Variants in EYS observed in about 807,000 individuals in gnomAD.
The protein encoded by EYS is EGF-like photoreceptor maintenance factor, also known as protein eyes shut homolog.
EYS carries 250 observed loss-of-function variants against 282.1 expected under a neutral mutation model. That is an observed-to-expected ratio of 0.89 (90% CI 0.80 to 0.98). EYS has a LOEUF of 0.98. Ranked by LOEUF, EYS falls within the 50% of genes least tolerant of loss-of-function variation. EYS has a pLI of 0.00. For missense variants in EYS, 4,016 were observed against 3,709.0 expected, an observed-to-expected ratio of 1.08 and a Z score of -2.15; for synonymous variants, 1,355 against 1,282.9, an observed-to-expected ratio of 1.06 and a Z score of -1.20.
chr6:65,341,053 A>G (rs1226824339), intron 10 of EYS, among the ~76,000 whole-genome samples: 1 of 151,056 alleles, frequency 6.6e-6, no homozygotes, highest in Non-Finnish European at 1.5e-5. Flanking sequence ...ACAAATAGGA[A>G]AACTCTCCGT....
chr6:65,547,270 A>T (rs1455529184), intron 2 of EYS, among the ~76,000 whole-genome samples: 1 of 151,268 alleles, frequency 6.6e-6, no homozygotes, highest in Non-Finnish European at 1.5e-5. Context: ...GGAAATCCTT[A>T]GAAAGATTTC....
At chr6:65,430,085 C>A (rs1276167762) in intron 5 of EYS, among the ~76,000 whole-genome samples, 8 of 152,054 alleles carry the variant, frequency 5.3e-5, no homozygotes, top group Non-Finnish European at 1.0e-4. Context: ...GTGTCTGAAC[C>A]AGGGGTTGAG....
chr6:64,996,983 T>C (rs1282162324), intron 14 of EYS, among the ~76,000 whole-genome samples: 2 of 152,068 alleles, frequency 1.3e-5, no homozygotes, highest in Non-Finnish European at 1.5e-5. Context: ...CCACCTTGAG[T>C]AGGTGTTTTT....
intron 33 of EYS, among the ~76,000 whole-genome samples, chr6:64,014,868 C>A (rs898829609): frequency 6.6e-6 from 1 of 151,956 alleles, no homozygotes; most frequent in African/African-American, 2.4e-5. Flanking sequence ...CATGACTCCC[C>A]CATCTTTAAA....
At chr6:65,012,707 TGTAGA>T (rs987828335) in intron 13 of EYS, among the ~76,000 whole-genome samples, 4 of 151,658 alleles carry the variant, frequency 2.6e-5, no homozygotes, top group African/African-American at 9.7e-5. Context: ...ATCAGCAATC[TGTAGA>T]GTAAAGGCAG....
intron 2 of EYS, among the ~76,000 whole-genome samples, chr6:65,535,453 G>A (rs951932548): frequency 2.0e-5 from 3 of 152,038 alleles, no homozygotes; most frequent in African/African-American, 7.2e-5. Context: ...CCTCTTGCCT[G>A]CTGCCATGTA....
intron 35 of EYS, among the ~76,000 whole-genome samples, chr6:63,898,056 A>T (rs1773575848): frequency 6.6e-6 from 1 of 152,242 alleles, no homozygotes; most frequent in African/African-American, 2.4e-5. Context: ...TTTCTGAAGT[A>T]GACGTAAAAA....
intron 5 of EYS, among the ~76,000 whole-genome samples, chr6:65,479,267 A>T (rs1227253383): frequency 6.6e-6 from 1 of 152,238 alleles, no homozygotes; most frequent in Non-Finnish European, 1.5e-5. Context: ...TCCTTGGCAT[A>T]TATTTGGCAA....
At chr6:65,201,712 A>T (rs1317812589) in intron 12 of EYS, among the ~76,000 whole-genome samples, 2 of 152,150 alleles carry the variant, frequency 1.3e-5, no homozygotes, top group African/African-American at 4.8e-5. Flanking sequence ...GTTTTGTCCT[A>T]TAACTATTTC....
chr6:65,689,384 G>A (rs1178170961), intron 1 of EYS, among the ~76,000 whole-genome samples: 3 of 149,408 alleles, frequency 2.0e-5, no homozygotes, highest in Non-Finnish European at 4.4e-5. Flanking sequence ...TGGAGTGGGG[G>A]TAGGGGGGAG....
chr6:64,971,529 AC>A lies in EYS; in HGVS notation c.2260-25616del, dbSNP rs937650088. Among the ~76,000 whole-genome samples, 60 of 152,040 alleles carry A rather than the reference AC, an allele frequency of 3.9e-4. 2 individuals are homozygous for A. Among genetic ancestry groups the A allele is most frequent in the African/African-American group, 1.2e-4 (5 of 41,386 alleles). Reference sequence around the variant, plus strand: ...AACATGAAGGCCTGGACAATGAGAAACCTTTTTCTGACTTGGTTCCATTGAT... The same window carrying A: ...AACATGAAGGCCTGGACAATGAGAAACTTTTTCTGACTTGGTTCCATTGAT... On this transcript the variant is annotated intron_variant, in intron 14 of 42. Coordinates refer to ENST00000503581, the MANE Select transcript of EYS (RefSeq NM_001142800.2).
intron 12 of EYS, among the ~76,000 whole-genome samples, chr6:65,110,501 T>C (rs1448405134): frequency 6.6e-6 from 1 of 152,114 alleles, no homozygotes; most frequent in Non-Finnish European, 1.5e-5. Context: ...ACATTTGAAT[T>C]CGTTCTTGAA....
chr6:64,358,019 G>C (rs1771885219), intron 29 of EYS, among the ~76,000 whole-genome samples: 1 of 151,670 alleles, frequency 6.6e-6, no homozygotes, highest in Admixed American at 6.6e-5. Flanking sequence ...CAGAAGGTCT[G>C]ATGGGAGCCA....
At chr6:63,970,634 C>CA (rs59815225) in intron 35 of EYS, among the ~76,000 whole-genome samples, 5,523 of 133,784 alleles carry the variant, frequency 0.041, 310 homozygotes, top group African/African-American at 0.13. Flanking sequence ...GACTCCATCT[C>CA]AAAAAAAAAA....
chr6:64,587,016 T>C (rs1319234577), intron 26 of EYS, among the ~76,000 whole-genome samples: 1 of 152,048 alleles, frequency 6.6e-6, no homozygotes, highest in Non-Finnish European at 1.5e-5. Flanking sequence ...AGTCATGCAG[T>C]TTCAAAGACG....
intron 24 of EYS, among the ~76,000 whole-genome samples, chr6:64,616,565 A>G (rs1767282126): frequency 6.6e-6 from 1 of 151,966 alleles, no homozygotes; most frequent in Non-Finnish European, 1.5e-5. Flanking sequence ...ATTTTTTTCT[A>G]TGTAATTCCT....
intron 2 of EYS, among the ~76,000 whole-genome samples, chr6:65,589,832 TG>T (rs1392258714): frequency 6.6e-6 from 1 of 151,958 alleles, no homozygotes; most frequent in African/African-American, 2.4e-5. Flanking sequence ...TTAAAGGTTT[TG>T]GGGGGTGATA....
intron 12 of EYS, among the ~76,000 whole-genome samples, chr6:65,148,042 C>T (rs1057465962): frequency 6.6e-6 from 1 of 152,040 alleles, no homozygotes; most frequent in African/African-American, 2.4e-5. Flanking sequence ...ACGGGAACCA[C>T]AATTCAAGAT....
At chr6:65,165,639 C>T (rs1200133893) in intron 12 of EYS, among the ~76,000 whole-genome samples, 2 of 151,048 alleles carry the variant, frequency 1.3e-5, no homozygotes, top group Non-Finnish European at 3.0e-5. Context: ...AGAAAATCCT[C>T]AGCTACATTA....
Sources: allele counts gnomAD v4.1 joint callset (sites outside exome capture counted in the v4.1 genomes callset), GRCh38; gene constraint gnomAD v4.1.1; transcripts MANE v1.5; gene names NCBI Gene and HGNC (gene_info 2026-07-23, HGNC 2026-07-21).